The following COL1A2 variants were observed in gnomAD, a reference collection of about 807,000 sequenced individuals.
COL1A2 encodes the protein collagen type I alpha 2 chain.
COL1A2 carries 49 observed loss-of-function variants against 174.3 expected under a neutral mutation model. That is an observed-to-expected ratio of 0.28 (90% confidence interval 0.22 to 0.36). The LOEUF (loss-of-function observed/expected upper bound fraction) is 0.36, where lower values mean the gene tolerates loss of function less well. Ranked by LOEUF, COL1A2 falls within the 10% of genes least tolerant of loss-of-function variation. The pLI, the probability that COL1A2 is intolerant of heterozygous loss-of-function variation, is 1.00. For missense variants in COL1A2, 1,438 were observed against 1,822.7 expected (o/e 0.79, Z 3.84); for synonymous variants, 655 against 606.6 (o/e 1.08, Z -1.17).
chr7:94,412,186 T>A (rs1302334618), intron 24 of COL1A2, 65 bp downstream of exon 24: 1 of 1,383,012 alleles, frequency 7.2e-7, no homozygotes, highest in Non-Finnish European at 1.0e-6. Flanking sequence ...CAAGTCTATT[T>A]TGTGGCTTAT....
rs1792238865 is a variant in COL1A2 at position 94,424,717 on chromosome 7, C to T, written c.2673+274C>T. ...ACAATCTCTAATTGCGTTTACTCCT[C>T]TGCAATATGAAATGCTGGCATCATT... On this transcript the variant is annotated intron_variant, in intron 41 of 51. Transcript: ENST00000297268. 1.2e-5 allele frequency: 6 copies of T among 488,560 alleles called. No individual in the cohort carries two copies. In the South Asian group the frequency reaches 1.3e-4, roughly 11 times the overall value. The allele number at this position is 488,560 out of a possible 1,614,324, so 30.3% of individuals were successfully genotyped here. A position where few individuals can be genotyped will look rare whatever the true frequency, so the allele number is the denominator to read the frequency against.
chr7:94,425,474 T>C, intron 42 of COL1A2, 136 bp from the exon 43 acceptor site: 2 of 992,552 alleles, frequency 2.0e-6, no homozygotes, highest in Non-Finnish European at 1.6e-6. Flanking sequence ...GGCAGGTTTT[T>C]ATCCCTAGTT....
At chr7:94,428,887 C>G (rs564525905) in intron 50 of COL1A2, among the ~76,000 whole-genome samples, 9 of 151,468 alleles carry the variant, frequency 5.9e-5, no homozygotes, top group Admixed American at 5.2e-4. Context: ...AGAAAAATGT[C>G]AGAATTTCTA....
intron 5 of COL1A2, among the ~76,000 whole-genome samples, chr7:94,401,279 G>T (rs939661675): frequency 6.6e-6 from 1 of 152,028 alleles, no homozygotes; most frequent in African/African-American, 2.4e-5. Flanking sequence ...AGAGGTAAAA[G>T]GTGGGAGTGG....
intron 51 of COL1A2, 82 bp from the exon 52 acceptor site, chr7:94,430,165 T>A (rs1792368753): frequency 3.6e-6 from 5 of 1,374,294 alleles, no homozygotes; most frequent in Non-Finnish European, 5.2e-6. Context: ...CAAACAGTGG[T>A]TCTTATTAAA....
intron 40 of COL1A2, chr7:94,424,032 G>T: frequency 8.7e-6 from 3 of 344,950 alleles, no homozygotes; most frequent in Non-Finnish European, 1.7e-5. Context: ...TTTTTTATTT[G>T]TTTCCCTGCC....
chr7:94,402,943 T>G (rs957775126), intron 6 of COL1A2, among the ~76,000 whole-genome samples: 3 of 152,204 alleles, frequency 2.0e-5, no homozygotes, highest in Admixed American at 2.0e-4. Flanking sequence ...TGACGACTTC[T>G]AATTCCCTAA....
chr7:94,425,911 T>C, intron 44 of COL1A2, 54 bp downstream of exon 44: 2 of 1,603,074 alleles, frequency 1.2e-6, no homozygotes, highest in Non-Finnish European at 1.7e-6. Flanking sequence ...GCTTCACTTC[T>C]GACTTCCCCA....
In COL1A2 at chr7:94,409,370, C is replaced by T; in HGVS notation, c.841C>T (p.Pro281Ser). The T allele has an allele frequency of 6.2e-7, 1 of 1,614,170 alleles. No individual in the cohort carries two copies. Among genetic ancestry groups the T allele is most frequent in the African/African-American group, 1.3e-5 (1 of 75,036 alleles). ...CGCTGGTCCTGCTGGTCCCGCCGGTCCCCGTGGTGAAGTGGGTCTTCCAGG... is the reference window on the plus strand; with the variant it reads ...CGCTGGTCCTGCTGGTCCCGCCGGTTCCCGTGGTGAAGTGGGTCTTCCAGG... ...GNAGPAGPAG[P>S]RGEVGLPGLS... The change falls in exon 17 of 52, where the codon CCC becomes TCC. Residue 281 changes from proline to serine, a missense_variant. By Grantham distance (74) the Pro-to-Ser change is moderately conservative. Coordinates refer to ENST00000297268, the MANE Select transcript of COL1A2 (RefSeq NM_000089.4).
chr7:94,406,150 A>G (rs1791790963), intron 11 of COL1A2, 100 bp from the exon 12 acceptor site: 6 of 1,250,556 alleles, frequency 4.8e-6, no homozygotes. Flanking sequence ...AGCAGACAAG[A>G]CTTACCCAAG....
At position 94,416,457 on chromosome 7, in the gene COL1A2, T is replaced by C. The variant is rs757262502; in HGVS notation, c.1817T>C (p.Ile606Thr). ...GGTGCTGCCGGTCCTACTGGTCCTA[T>C]TGGAAGCCGAGGTCCTTCTGGACCC... ...ESGAAGPTGP[I>T]GSRGPSGPPG... is the part of the protein sequence containing the mutation. The change falls in exon 31 of 52, where the codon ATT (isoleucine) becomes ACT (threonine). Residue 606 changes from isoleucine to threonine, a missense_variant. Ile to Thr is a moderately conservative substitution (Grantham distance 89). Around this residue, in one of 3 missense-constraint regions of COL1A2, gnomAD observed 867 missense variants for 1,213.7 expected, o/e 0.71. Coordinates refer to ENST00000297268, the MANE Select transcript of COL1A2 (RefSeq NM_000089.4). 7.6e-6 allele frequency: 12 copies of C among 1,587,392 alleles called. No individual in the cohort carries two copies. In the Admixed American group the frequency reaches 1.6e-4, roughly 21 times the overall value.
At position 94,405,193 on chromosome 7, in the gene COL1A2, G is replaced by A. The variant is rs768282515; in HGVS notation, c.433-6G>A. 6 of 1,613,660 alleles carry A rather than the reference G, an allele frequency of 3.7e-6. No individual in the cohort carries two copies. The East Asian group carries it at 1.1e-4, about 30-fold the overall frequency. ...GAAGTTGACTCTACAATGTTTTCAT[G>A]TTTAGGGTCACCCTGGAAAACCCGG... On this transcript the variant is annotated splice_region_variant and splice_polypyrimidine_tract_variant and intron_variant, in intron 9 of 51. Coordinates refer to ENST00000297268, the MANE Select transcript of COL1A2 (RefSeq NM_000089.4).
rs1239328280 is a variant in COL1A2 at position 94,430,347 on chromosome 7, C to A, written c.4055C>A (p.Ala1352Asp). 3.1e-6 allele frequency: 5 copies of A among 1,613,898 alleles called. No homozygotes were observed. The highest frequency in any genetic ancestry group is 4.2e-6 in the Non-Finnish European group (5 of 1,179,948). ...LDIAPLDIGG[A>D]DQEFFVDIGP... ...ATTGCACCTTTGGACATCGGTGGTG[C>A]TGACCAGGAATTCTTTGTGGACATT... Residue 1352 changes from alanine to aspartate, a missense_variant, in exon 52 of 52, where the codon GCT becomes GAT. Ala to Asp is a moderately radical substitution (Grantham distance 126). This residue lies in a region of COL1A2 where 290 missense variants were observed against 298.1 expected (regional missense o/e 0.97). Coordinates refer to ENST00000297268, the MANE Select transcript of COL1A2 (RefSeq NM_000089.4).
intron 42 of COL1A2, 133 bp from the exon 43 acceptor site, chr7:94,425,477 C>T: frequency 1.0e-6 from 1 of 1,002,454 alleles, no homozygotes; most frequent in South Asian, 1.4e-5. Context: ...AGGTTTTTAT[C>T]CCTAGTTTTA....
rs1468550554 is a variant in COL1A2, at chr7:94,408,479, T to C, written c.738+99T>C. 10 of 1,379,080 alleles carry C rather than the reference T, an allele frequency of 7.3e-6. No individual in the cohort carries two copies. In the East Asian group the frequency reaches 2.3e-4, roughly 31 times the overall value. The allele number at this position is 1,379,080 out of a possible 1,614,324, so 85.4% of individuals were successfully genotyped here. On this transcript the variant is annotated intron_variant, in intron 15 of 51. Coordinates refer to ENST00000297268, the MANE Select transcript of COL1A2 (RefSeq NM_000089.4). ...TACGAAATAGCATCATTTCAGACAC[T>C]TTACCAAATGTTCTGTGAGGTCTTT... is the stretch of plus-strand genomic sequence containing the variant.
chr7:94,409,053 T>A (rs1482987575), intron 16 of COL1A2, among the ~76,000 whole-genome samples: 1 of 152,116 alleles, frequency 6.6e-6, no homozygotes, highest in East Asian at 1.9e-4. Context: ...ATGGAAATTG[T>A]CTCTAGGACT....
chr7:94,409,739 C>T lies in COL1A2; in HGVS notation c.953C>T (p.Ala318Val). ...AKGAAGLPGVAGAPGLPGPRG... is the reference protein window; with the variant it reads ...AKGAAGLPGVVGAPGLPGPRG... The stretch of plus-strand genomic sequence containing the variant: ...CCTTCACAGGGCCTTCCCGGCGTTG[C>T]TGGGGCTCCCGGCCTCCCTGGACCC... The change falls in exon 19 of 52, where the codon GCT becomes GTT. Residue 318 changes from alanine (A) to valine (V), a missense_variant. Physicochemically the swap from Ala to Val is moderately conservative, Grantham distance 64. Transcript: ENST00000297268. 6.2e-7 allele frequency: 1 copy of T among 1,614,148 alleles called. No homozygotes were observed. Among genetic ancestry groups the T allele is most frequent in the Non-Finnish European group, 8.5e-7 (1 of 1,180,024 alleles).
At chr7:94,398,523 C>A in intron 3 of COL1A2, 127 bp downstream of exon 3, 1 of 357,816 alleles carries the variant, frequency 2.8e-6, no homozygotes, top group South Asian at 5.4e-5. Flanking sequence ...TATACATTAG[C>A]TAAAGCATAA....
intron 6 of COL1A2, among the ~76,000 whole-genome samples, chr7:94,401,984 A>G (rs1380410167): frequency 6.6e-6 from 1 of 152,132 alleles, no homozygotes; most frequent in East Asian, 1.9e-4. Context: ...ATTCTTTAAC[A>G]TTGCTTAGAA....
Sources: gnomAD v4.1 joint callset for allele counts (sites outside exome capture counted in the v4.1 genomes callset) on GRCh38, gnomAD v4.1.1 for gene constraint, gnomAD v4.1.1 regional missense constraint, MANE v1.5 for transcripts, NCBI Gene and HGNC (gene_info 2026-07-23, HGNC 2026-07-21) for gene names.